The following NRDE2 variants were observed in gnomAD, a reference collection of about 807,000 sequenced individuals.
The protein encoded by NRDE2 is nuclear exosome regulator NRDE2.
Under a neutral mutation model 124.2 loss-of-function variants are expected in NRDE2, and 76 were observed. The observed-to-expected ratio is 0.61, with a 90% CI of 0.51 to 0.74. The LOEUF (loss-of-function observed/expected upper bound fraction) is 0.74, where lower values mean the gene tolerates loss of function less well. Among genes scored for constraint, NRDE2 ranks in the 30% least tolerant of loss-of-function variants. NRDE2 has a pLI of 0.00. For missense variants in NRDE2, 1,314 were observed against 1,417.3 expected, an observed-to-expected ratio of 0.93 and a Z score of 1.17; for synonymous variants, 489 against 528.1, an observed-to-expected ratio of 0.93 and a Z score of 1.01.
chr14:90,330,215 A>T (rs1885624109), intron 1 of NRDE2, among the ~76,000 whole-genome samples: 1 of 60,214 alleles, frequency 1.7e-5, no homozygotes, highest in Admixed American at 1.6e-4. Flanking sequence ...TCAAAAAAAA[A>T]AATAAATAAA....
In NRDE2 at chr14:90,286,324, T is replaced by G. The variant is rs775336995; in HGVS notation, c.3297+30A>C. 7 of 1,605,124 alleles carry G rather than the reference T, an allele frequency of 4.4e-6. No individual in the cohort carries two copies. The South Asian group carries it at 5.6e-5, about 13-fold the overall frequency. ...ATGAAGGAAGAGGTAGAGCTCTGCA[T>G]GAACACAAAACATCTCAATATTTTC... On this transcript the variant is annotated intron_variant, in intron 12 of 13. Coordinates refer to ENST00000354366, the MANE Select transcript of NRDE2 (RefSeq NM_017970.4).
intron 1 of NRDE2, among the ~76,000 whole-genome samples, chr14:90,323,820 T>G (rs1342120444): frequency 6.6e-6 from 1 of 152,190 alleles, no homozygotes; most frequent in African/African-American, 2.4e-5. Flanking sequence ...GAAGAACTTG[T>G]ATTCAAACTG....
chr14:90,321,568 A>G (rs990004926), intron 1 of NRDE2, among the ~76,000 whole-genome samples: 1 of 150,586 alleles, frequency 6.6e-6, no homozygotes, highest in Non-Finnish European at 1.5e-5. Flanking sequence ...AAAAAAAAAA[A>G]GAAAAGAAAA....
In NRDE2 at chr14:90,295,186, A is replaced by C. The variant is rs150481009; in HGVS notation, c.1667-2314T>G. 3.0e-3 allele frequency among the ~76,000 whole-genome samples: 452 copies of C among 152,334 alleles called. 1 individual carries two copies. The highest frequency in any genetic ancestry group is 0.01 in the African/African-American group (418 of 41,566). ...CATTATACTGTGGTACTACCACTGG[A>C]AGGAACTGGATGAAGGGTGCACAAA... On this transcript the variant is annotated intron_variant, in intron 8 of 13. Coordinates refer to ENST00000354366, the MANE Select transcript of NRDE2 (RefSeq NM_017970.4).
chr14:90,327,127 A>G (rs1202524774), intron 1 of NRDE2, among the ~76,000 whole-genome samples: 7 of 152,336 alleles, frequency 4.6e-5, no homozygotes, highest in Non-Finnish European at 2.9e-5. Flanking sequence ...TCATATATCC[A>G]TATCATTTTC....
Position 90,271,940 on chromosome 14 carries a change from TAG to T in NRDE2, c.*6394_*6395del, listed in dbSNP as rs1009316666. ...GTAGAGTTTCGCTCGTTGCTCAGGCTAGAGTGCAGTGGCGCGATCTCGGCTCA... is the reference window on the plus strand; with the variant it reads ...GTAGAGTTTCGCTCGTTGCTCAGGCTAGTGCAGTGGCGCGATCTCGGCTCA... On this transcript the variant is annotated 3_prime_UTR_variant, in exon 14 of 14. Transcript: ENST00000354366. The T allele has an allele frequency of 3.0e-4, 53 of 174,082 alleles. No homozygotes were observed. Among genetic ancestry groups the T allele is most frequent in the Non-Finnish European group, 5.1e-4 (41 of 81,122 alleles). The allele number at this position is 174,082 out of a possible 1,614,324, so 10.8% of individuals were successfully genotyped here. A position where few individuals can be genotyped will look rare whatever the true frequency, so the allele number is the denominator to read the frequency against.
At chr14:90,290,109 G>A in intron 10 of NRDE2, 112 bp downstream of exon 10, 2 of 1,147,606 alleles carry the variant, frequency 1.7e-6, no homozygotes, top group Non-Finnish European at 2.4e-6. Context: ...ACTGGAGGAG[G>A]AGGTGCTGGG....
intron 3 of NRDE2, 26 bp from the exon 4 acceptor site, chr14:90,312,569 G>T: frequency 6.2e-7 from 1 of 1,612,584 alleles, no homozygotes; most frequent in South Asian, 1.1e-5. Context: ...AGAAGAAGAA[G>T]GGAGAGGCAC....
chr14:90,325,627 G>A (rs151065162), intron 1 of NRDE2, among the ~76,000 whole-genome samples: 128 of 152,236 alleles, frequency 8.4e-4, no homozygotes, highest in African/African-American at 3.0e-3. Context: ...CCAGGCTCAA[G>A]CAATCCTCCC....
chr14:90,292,823 C>T lies in NRDE2; in HGVS notation c.1716G>A (p.Lys572=), dbSNP rs767988067. The change falls in exon 9 of 14, where the codon AAG becomes AAA. Residue 572 remains lysine (K), a synonymous_variant. Transcript: ENST00000354366. Reference sequence around the variant, plus strand: ...GCCAGATCTGCCACCTGGGCAGAGTCTTATCTTTTATTTCCTGGTCATCCT... The same window carrying T: ...GCCAGATCTGCCACCTGGGCAGAGTTTTATCTTTTATTTCCTGGTCATCCT... ...PEEDDQEIKD[K]TLPRWQIWLA... 1 of 1,614,138 alleles carries T rather than the reference C, an allele frequency of 6.2e-7. No individual in the cohort carries two copies. Among genetic ancestry groups the T allele is most frequent in the African/African-American group, 1.3e-5 (1 of 75,050 alleles).
chr14:90,319,659 C>T (rs1595076883), intron 1 of NRDE2, among the ~76,000 whole-genome samples: 1 of 152,308 alleles, frequency 6.6e-6, no homozygotes. Context: ...TAGTGTGTAT[C>T]ACTACCTCAT....
Position 90,270,235 on chromosome 14 carries a change from T to C in NRDE2, c.*8101A>G, listed in dbSNP as rs532770063. 3 of 1,613,682 alleles carry C rather than the reference T, an allele frequency of 1.9e-6. No individual in the cohort carries two copies. Among genetic ancestry groups the C allele is most frequent in the African/African-American group, 1.3e-5 (1 of 74,966 alleles). On this transcript the variant is annotated 3_prime_UTR_variant, in exon 14 of 14. Coordinates refer to ENST00000354366, the MANE Select transcript of NRDE2 (RefSeq NM_017970.4). ...GGAAGATTGAGTTCCCCCTGCCTGA[T>C]GAAAAGACGAAGAAGCGCATCTTTC...
chr14:90,294,950 G>C (rs1279623841), intron 8 of NRDE2, among the ~76,000 whole-genome samples: 3 of 152,138 alleles, frequency 2.0e-5, no homozygotes, highest in African/African-American at 7.2e-5. Flanking sequence ...GTTAGGAGGG[G>C]GAAGGGGCAG....
chr14:90,309,472 CAA>C (rs746289824), intron 4 of NRDE2, among the ~76,000 whole-genome samples: 5 of 110,762 alleles, frequency 4.5e-5, no homozygotes, highest in Admixed American at 1.0e-4. Flanking sequence ...GACTCTGTCT[CAA>C]AAAAAAAAAA....
intron 1 of NRDE2, among the ~76,000 whole-genome samples, chr14:90,319,497 C>T (rs116188933): frequency 1.9e-3 from 287 of 152,256 alleles, no homozygotes; most frequent in African/African-American, 6.6e-3. Context: ...CCTCCTGTTT[C>T]CCTGCCCCGC....
At position 90,292,758 on chromosome 14, in the gene NRDE2, G is replaced by A. The variant is rs750534213; in HGVS notation, c.1781C>T (p.Pro594Leu). 97 of 1,614,072 alleles carry A rather than the reference G, an allele frequency of 6.0e-5. No homozygotes were observed. Among genetic ancestry groups the A allele is most frequent in the African/African-American group, 1.3e-5 (1 of 74,928 alleles). ...CTTCTTGGTCTTATCAGGGCGCCAG[G>A]GCCGCCAGTGCCTCTGGTCACGGGA... ...ERSRDQRHWR[P>L]WRPDKTKKQT... The change falls in exon 9 of 14, where the codon CCC becomes CTC. Residue 594 changes from proline to leucine, a missense_variant. Transcript: ENST00000354366.
intron 12 of NRDE2, 102 bp from the exon 13 acceptor site, chr14:90,279,235 G>A: frequency 1.1e-6 from 1 of 879,428 alleles, no homozygotes; most frequent in Admixed American, 1.8e-5. Context: ...CAGCTGCAGT[G>A]AGCCCACCTG....
intron 1 of NRDE2, 109 bp from the exon 2 acceptor site, chr14:90,318,222 C>T: frequency 1.2e-6 from 1 of 811,742 alleles, no homozygotes; most frequent in Non-Finnish European, 2.0e-6. Flanking sequence ...CCAATGCCAG[C>T]CAGACGTTTT....
At chr14:90,282,711 A>C (rs1476415417) in intron 12 of NRDE2, among the ~76,000 whole-genome samples, 7 of 151,576 alleles carry the variant, frequency 4.6e-5, no homozygotes, top group African/African-American at 1.5e-4. Flanking sequence ...CTTGTTGCCT[A>C]GACTGGAGTG....
Sources: allele counts gnomAD v4.1 joint callset (sites outside exome capture counted in the v4.1 genomes callset), GRCh38; gene constraint gnomAD v4.1.1; transcripts MANE v1.5; gene names NCBI Gene and HGNC (gene_info 2026-07-23, HGNC 2026-07-21).